LIPE: variants seen among roughly 807,000 people sequenced by gnomAD.
The protein encoded by LIPE is lipase E, hormone sensitive type.
A neutral mutation model predicts 88.5 loss-of-function variants in LIPE; 66 were observed. The ratio of observed to expected loss-of-function variants is 0.75; its 90% CI spans 0.61 to 0.91. The LOEUF is 0.91. Ranked by LOEUF, LIPE falls within the 40% of genes least tolerant of loss-of-function variation. The pLI is 0.00. For synonymous variants in LIPE, 570 were observed against 617.5 expected (o/e 0.92, Z 1.14); for missense variants, 1,346 against 1,434.7 (o/e 0.94, Z 1.00).
chr19:42,426,517 C>T lies in LIPE; in HGVS notation c.633G>A (p.Gln211=), dbSNP rs1357240491. ...LTELGFLTKL[Q]ELSIQRSALE... The stretch of plus-strand genomic sequence containing the variant: ...GGGCTGATCGCTGTATGGATAGTTC[C>T]TGAAGTTTTGTTAGAAATCCCAGCT... The change falls in exon 1 of 10, where the codon CAG becomes CAA. Residue 211 remains glutamine (Q), a synonymous_variant. Coordinates refer to ENST00000244289, the MANE Select transcript of LIPE (RefSeq NM_005357.4). 5 of 1,614,162 alleles carry T rather than the reference C, an allele frequency of 3.1e-6. No homozygotes were observed. The highest frequency in any genetic ancestry group is 1.3e-5 in the African/African-American group (1 of 75,036).
intron 1 of LIPE, chr19:42,423,394 C>A (rs1002699901): frequency 1.1e-5 from 14 of 1,288,424 alleles, no homozygotes; most frequent in Non-Finnish European, 1.4e-5. Flanking sequence ...TCCTTCCGGG[C>A]TGCTGCCGGT....
chr19:42,410,361 C>T lies in LIPE; in HGVS notation c.1365G>A (p.Arg455=), dbSNP rs1445321258. The T allele has an allele frequency of 1.2e-6, 2 of 1,613,422 alleles. No homozygotes were observed. Among genetic ancestry groups the T allele is most frequent in the African/African-American group, 1.3e-5 (1 of 74,920 alleles). Residue 455 remains arginine, a synonymous_variant, in exon 2 of 10, where the codon CGG becomes CGA. Coordinates refer to ENST00000244289, the MANE Select transcript of LIPE (RefSeq NM_005357.4). The surrounding 1 kb of genome is among the most constrained non-coding windows in gnomAD (Gnocchi z 6.1). ...ATCCCTTATGCAGCGTGACATACTCCCGGAGGAAGTCGGCGGTGAGCCCCT... is the reference window on the plus strand; with the variant it reads ...ATCCCTTATGCAGCGTGACATACTCTCGGAGGAAGTCGGCGGTGAGCCCCT... ...GDEGLTADFL[R]EYVTLHKGCF...
At position 42,406,013 on chromosome 19, in the gene LIPE, C is replaced by T. The variant is rs2040169097; in HGVS notation, c.2365+148G>A. On this transcript the variant is annotated intron_variant, in intron 7 of 9. Transcript: ENST00000244289. The surrounding 1 kb of genome is among the most constrained non-coding windows in gnomAD (Gnocchi z 5.7). The stretch of plus-strand genomic sequence containing the variant: ...ACACACACACACACACACACACACA[C>T]ACACACGAAAAAAAAGGGACAAGGA... The T allele has an allele frequency of 4.8e-6, 3 of 624,924 alleles. No individual in the cohort carries two copies. The highest frequency in any genetic ancestry group is 8.2e-6 in the Non-Finnish European group (3 of 365,284). 38.7% of individuals were successfully genotyped at this position (624,924 alleles called of 1,614,324 possible).
chr19:42,408,602 G>A lies in LIPE; in HGVS notation c.1420-280C>T, dbSNP rs2040269983. On this transcript the variant is annotated intron_variant, in intron 2 of 9. Coordinates refer to ENST00000244289, the MANE Select transcript of LIPE (RefSeq NM_005357.4). This position sits in a 1 kb window ranked among gnomAD's most constrained non-coding sequence, Gnocchi z 4.3. ...GGCAGTAGGTGGAGAGGGCACCAGTGATGACTAGGGGTCAGGCTACTTAGC... is the reference window on the plus strand; with the variant it reads ...GGCAGTAGGTGGAGAGGGCACCAGTAATGACTAGGGGTCAGGCTACTTAGC... 6.5e-6 allele frequency: 3 copies of A among 459,160 alleles called. No homozygotes were observed. The highest frequency in any genetic ancestry group is 1.2e-5 in the Non-Finnish European group (3 of 248,996). The allele number at this position is 459,160 out of a possible 1,614,324, so 28.4% of individuals were successfully genotyped here. A position where few individuals can be genotyped will look rare whatever the true frequency, so the allele number is the denominator to read the frequency against.
intron 1 of LIPE, chr19:42,424,171 C>A: frequency 8.9e-7 from 1 of 1,117,940 alleles, no homozygotes; most frequent in South Asian, 1.5e-5. Context: ...CTCCCTCTGT[C>A]TCCGCCCCCT....
chr19:42,421,587 A>C (rs1400067811), intron 1 of LIPE, among the ~76,000 whole-genome samples: 1 of 152,244 alleles, frequency 6.6e-6, no homozygotes, highest in Non-Finnish European at 1.5e-5. Context: ...TCTTGGGCCC[A>C]GAATCAAGTT....
Position 42,426,830 on chromosome 19 carries a change from G to T in LIPE, c.320C>A (p.Thr107Asn), listed in dbSNP as rs1179221849. Reference sequence around the variant, plus strand: ...CTGCTGGGAGGCAGCTTCCTGTTGAGTGAGCAGCACCCTTTGGATGTAAGG... The same window carrying T: ...CTGCTGGGAGGCAGCTTCCTGTTGATTGAGCAGCACCCTTTGGATGTAAGG... ...QSPYIQRVLL[T>N]QQEAASQQGP... Residue 107 changes from threonine (T) to asparagine (N), a missense_variant, in exon 1 of 10, where the codon ACT becomes AAT. Physicochemically the swap from Thr to Asn is moderately conservative, Grantham distance 65 (BLOSUM62 0). Coordinates refer to ENST00000244289, the MANE Select transcript of LIPE (RefSeq NM_005357.4). The T allele has an allele frequency of 6.2e-7, 1 of 1,614,058 alleles. No homozygotes were observed. Among genetic ancestry groups the T allele is most frequent in the Non-Finnish European group, 8.5e-7 (1 of 1,180,046 alleles).
chr19:42,419,990 A>C (rs566777579), intron 1 of LIPE, among the ~76,000 whole-genome samples: 105 of 151,442 alleles, frequency 6.9e-4, no homozygotes, highest in African/African-American at 2.4e-3. Flanking sequence ...TGGTCTCCCA[A>C]AGTGCTGGGA....
In LIPE at chr19:42,405,517, C is replaced by G; in HGVS notation, c.2410G>C (p.Gly804Arg). ...TCCCGCCGCACCAGCCCCATCATGCCGAGGGCTTTCTGGTCTGAGTTGGAG... is the reference window on the plus strand; with the variant it reads ...TCCCGCCGCACCAGCCCCATCATGCGGAGGGCTTTCTGGTCTGAGTTGGAG... ...DHSNSDQKALGMMGLVRRDTA... is the reference protein window; with the variant it reads ...DHSNSDQKALRMMGLVRRDTA... Residue 804 changes from glycine to arginine, a missense_variant, in exon 8 of 10, where the codon GGC becomes CGC. Transcript: ENST00000244289. 2 of 1,614,196 alleles carry G rather than the reference C, an allele frequency of 1.2e-6. No homozygotes were observed. The highest frequency in any genetic ancestry group is 1.7e-6 in the Non-Finnish European group (2 of 1,180,020).
intron 7 of LIPE, 128 bp from the exon 8 acceptor site, chr19:42,405,689 G>T: frequency 1.1e-6 from 1 of 925,466 alleles, no homozygotes; most frequent in Non-Finnish European, 1.6e-6. Flanking sequence ...GGATAAGGAG[G>T]CTGGGCGCAG....
At chr19:42,426,222 A>G (rs774197752) in intron 1 of LIPE, 45 bp downstream of exon 1, 22 of 1,544,448 alleles carry the variant, frequency 1.4e-5, no homozygotes, top group Middle Eastern at 3.5e-4. Flanking sequence ...AAGTAAATGA[A>G]TGACTGTCCC....
intron 1 of LIPE, among the ~76,000 whole-genome samples, chr19:42,420,541 T>G (rs1396269513): frequency 1.3e-5 from 2 of 151,890 alleles, no homozygotes; most frequent in Non-Finnish European, 2.9e-5. Flanking sequence ...CTCTCCCCAT[T>G]TGCTCAAGCT....
At chr19:42,424,600 ACT>A (rs1294972833) in intron 1 of LIPE, 2 of 456,020 alleles carry the variant, frequency 4.4e-6, no homozygotes, top group Admixed American at 2.3e-5. Context: ...GAAACGCGTT[ACT>A]CTCTTATCAG....
At chr19:42,415,678 T>A (rs961502798) in intron 1 of LIPE, among the ~76,000 whole-genome samples, 3 of 151,306 alleles carry the variant, frequency 2.0e-5, no homozygotes, top group African/African-American at 7.3e-5. Flanking sequence ...GGCGTGGTGG[T>A]GGGTGCCTGT....
intron 9 of LIPE, 143 bp from the exon 10 acceptor site, chr19:42,402,218 G>T: frequency 1.3e-6 from 1 of 785,624 alleles, no homozygotes; most frequent in Non-Finnish European, 1.9e-6. Flanking sequence ...GACATGGTGG[G>T]TGAGGAGTTG....
intron 1 of LIPE, among the ~76,000 whole-genome samples, chr19:42,417,793 G>A (rs926916968): frequency 6.6e-6 from 1 of 152,144 alleles, no homozygotes; most frequent in African/African-American, 2.4e-5. Context: ...GGCCAAGGCA[G>A]GAAGATAGCT....
rs1468905632 is a variant in LIPE, at chr19:42,410,662, A to G, written c.1064T>C (p.Leu355Pro). 1 of 1,612,364 alleles carries G rather than the reference A, an allele frequency of 6.2e-7. No individual in the cohort carries two copies. Among genetic ancestry groups the G allele is most frequent in the Admixed American group, 1.7e-5 (1 of 59,936 alleles). ...GTCAAAGAGGTGCGCCACACCCAGC[A>G]GGCGGCCCAGGGCCGGCTCCAGCCC... ...ALGLEPALGR[L>P]LGVAHLFDLD... The change falls in exon 2 of 10, where the codon CTG (leucine) becomes CCG (proline). Residue 355 changes from leucine to proline, a missense_variant. Physicochemically the swap from Leu to Pro is moderately conservative, Grantham distance 98 (BLOSUM62 -3). Coordinates refer to ENST00000244289, the MANE Select transcript of LIPE (RefSeq NM_005357.4). The surrounding 1 kb of genome is among the most constrained non-coding windows in gnomAD (Gnocchi z 6.1).
rs769125022 is a variant in LIPE, at chr19:42,407,366, G to A, written c.1945C>T (p.His649Tyr). The A allele has an allele frequency of 6.2e-7, 1 of 1,613,518 alleles. No individual in the cohort carries two copies. The change falls in exon 6 of 10, where the codon CAC (histidine) becomes TAC (tyrosine). Residue 649 changes from histidine (H) to tyrosine (Y), a missense_variant. His to Tyr is a moderately conservative substitution (Grantham distance 83). Coordinates refer to ENST00000244289, the MANE Select transcript of LIPE (RefSeq NM_005357.4). This position sits in a 1 kb window ranked among gnomAD's most constrained non-coding sequence, Gnocchi z 5.8. ...QAPRSRSLIV[H>Y]FHGGGFVAQT... Reference sequence around the variant, plus strand: ...GCCACAAAGCCACCGCCGTGGAAGTGCACTATCAGGGACCGCGAGCGGGGT... The same window carrying A: ...GCCACAAAGCCACCGCCGTGGAAGTACACTATCAGGGACCGCGAGCGGGGT...
In LIPE at chr19:42,406,059, G is replaced by A; in HGVS notation, c.2365+102C>T. On this transcript the variant is annotated intron_variant, in intron 7 of 9. Coordinates refer to ENST00000244289, the MANE Select transcript of LIPE (RefSeq NM_005357.4). This position sits in a 1 kb window ranked among gnomAD's most constrained non-coding sequence, Gnocchi z 5.7. ...AAGGAGTCTTAGATTCCTCTGCCTG[G>A]CCTCTCCTTCCTCAGTCACAGGAGT... The A allele has an allele frequency of 1.1e-6, 1 of 948,506 alleles. No homozygotes were observed. 58.8% of individuals were successfully genotyped at this position (948,506 alleles called of 1,614,324 possible). A position where few individuals can be genotyped will look rare whatever the true frequency, so the allele number is the denominator to read the frequency against.
Sources: gnomAD v4.1 joint callset for allele counts (sites outside exome capture counted in the v4.1 genomes callset) on GRCh38, gnomAD v4.1.1 for gene constraint, Gnocchi (gnomAD v3.1) non-coding constraint, MANE v1.5 for transcripts, NCBI Gene and HGNC (gene_info 2026-07-23, HGNC 2026-07-21) for gene names.